The following SULF1 variants were observed in gnomAD, a reference collection of about 807,000 sequenced individuals.
SULF1 encodes the protein extracellular sulfatase Sulf-1.
Under a neutral mutation model 110.5 loss-of-function variants are expected in SULF1, and 46 were observed. That is an observed-to-expected ratio of 0.42 (90% confidence interval 0.33 to 0.53). The LOEUF is 0.53. Among genes scored for constraint, SULF1 ranks in the 20% least tolerant of loss-of-function variants. The pLI is 0.12. For missense variants in SULF1, 941 were observed against 1,094.2 expected (o/e 0.86, Z 1.98); for synonymous variants, 371 against 387.1 (o/e 0.96, Z 0.49).
intron 8 of SULF1, among the ~76,000 whole-genome samples, chr8:69,593,995 T>C (rs1217824347): frequency 6.6e-6 from 1 of 152,196 alleles, no homozygotes; most frequent in East Asian, 1.9e-4. Context: ...AGGGACCTCC[T>C]TATCACCCTT....
intron 19 of SULF1, 27 bp from the exon 20 acceptor site, chr8:69,638,474 TG>T: frequency 6.2e-7 from 1 of 1,604,794 alleles, no homozygotes; most frequent in Non-Finnish European, 8.5e-7. Context: ...CTTTTTGTTT[TG>T]TTGTGTTTTT....
intron 13 of SULF1, among the ~76,000 whole-genome samples, chr8:69,619,269 AT>A (rs1445070662): frequency 3.3e-5 from 5 of 152,322 alleles, no homozygotes; most frequent in African/African-American, 9.6e-5. Context: ...TGATAGACCT[AT>A]ATGGAAAGGA....
At chr8:69,498,113 C>CT (rs71556768) in intron 2 of SULF1, among the ~76,000 whole-genome samples, 205 of 148,726 alleles carry the variant, frequency 1.4e-3, no homozygotes, top group African/African-American at 4.6e-3. Context: ...CTCTCTCTCT[C>CT]CACACACACA....
intron 3 of SULF1, among the ~76,000 whole-genome samples, chr8:69,505,575 T>A (rs1275727311): frequency 6.6e-6 from 1 of 152,106 alleles, no homozygotes; most frequent in Non-Finnish European, 1.5e-5. Flanking sequence ...TTAATCTAAA[T>A]GTAGGTGGTT....
intron 19 of SULF1, chr8:69,638,217 C>G (rs1380116353): frequency 3.2e-6 from 1 of 317,334 alleles, no homozygotes; most frequent in Non-Finnish European, 5.7e-6. Flanking sequence ...CTTTGGAAAC[C>G]ACTGCATAAC....
intron 7 of SULF1, among the ~76,000 whole-genome samples, chr8:69,587,129 T>C (rs905121968): frequency 2.0e-5 from 3 of 152,194 alleles, no homozygotes; most frequent in African/African-American, 4.8e-5. Flanking sequence ...TGGGTTCTAG[T>C]TTTGACTTAA....
intron 1 of SULF1, chr8:69,473,299 G>C (rs1809167101): frequency 6.6e-6 from 1 of 152,168 alleles, no homozygotes; most frequent in South Asian, 2.1e-4. Context: ...TAAGGGACTT[G>C]GACATGCTAC....
Position 69,627,254 on chromosome 8 carries a change from T to A in SULF1, c.1895T>A (p.Leu632Gln). 1 of 1,614,192 alleles carries A rather than the reference T, an allele frequency of 6.2e-7. No homozygotes were observed. ...GACTCTATCCATTGTGAGAGAGAAC[T>A]GTACCAATCGGCCAGAGCGTGGAAG... ...PNDSIHCERE[L>Q]YQSARAWKDH... is the part of the protein sequence containing the mutation. Residue 632 changes from leucine (L) to glutamine (Q), a missense_variant, in exon 16 of 23, where the codon CTG (leucine) becomes CAG (glutamine). By Grantham distance (113) the Leu-to-Gln change is moderately radical. Around this residue, in one of 3 missense-constraint regions of SULF1, gnomAD observed 822 missense variants for 934.3 expected, o/e 0.88. Coordinates refer to ENST00000402687, the MANE Select transcript of SULF1 (RefSeq NM_001128205.2).
Position 69,579,418 on chromosome 8 carries a change from G to A in SULF1, c.412+3209G>A, listed in dbSNP as rs1037582061. Among the ~76,000 whole-genome samples the A allele has an allele frequency of 4.0e-5, 6 of 151,788 alleles. 1 individual carries two copies. Among genetic ancestry groups the A allele is most frequent in the Admixed American group, 1.3e-4 (2 of 15,244 alleles). ...ACAGAAATTAGCCAGGTGTGTTGGTGCATGCTTGTAATCCCAGCTACTCAG... is the reference window on the plus strand; with the variant it reads ...ACAGAAATTAGCCAGGTGTGTTGGTACATGCTTGTAATCCCAGCTACTCAG... On this transcript the variant is annotated intron_variant, in intron 6 of 22. Transcript: ENST00000402687.
At chr8:69,657,328 T>C (rs930688818) in intron 22 of SULF1, among the ~76,000 whole-genome samples, 1 of 152,246 alleles carries the variant, frequency 6.6e-6, no homozygotes, top group Non-Finnish European at 1.5e-5. Context: ...CTCCCTTCTC[T>C]CTTCCTTTGT....
chr8:69,541,723 T>TTGAAACAAATATTGTCC (rs1813870470), intron 3 of SULF1, among the ~76,000 whole-genome samples: 2 of 152,198 alleles, frequency 1.3e-5, no homozygotes, highest in South Asian at 4.1e-4. Flanking sequence ...TTTCAAATAT[T>TTGAAACAAATATTGTCC]TGTTAGGGAC....
intron 3 of SULF1, among the ~76,000 whole-genome samples, chr8:69,539,221 A>G (rs1029150029): frequency 1.3e-5 from 2 of 152,212 alleles, no homozygotes; most frequent in African/African-American, 4.8e-5. Flanking sequence ...TTAAAAGCTG[A>G]GAAATGGCTT....
At chr8:69,529,438 C>A (rs1009070358) in intron 3 of SULF1, among the ~76,000 whole-genome samples, 1 of 152,114 alleles carries the variant, frequency 6.6e-6, no homozygotes, top group Non-Finnish European at 1.5e-5. Context: ...TGACATTGCT[C>A]TTTTTTAGAA....
intron 1 of SULF1, among the ~76,000 whole-genome samples, chr8:69,487,698 C>T (rs916151389): frequency 6.6e-6 from 1 of 152,166 alleles, no homozygotes. Context: ...GAGGTGGCTA[C>T]AGCACAGCCT....
chr8:69,633,953 A>G (rs1810781321), intron 19 of SULF1, among the ~76,000 whole-genome samples: 1 of 152,208 alleles, frequency 6.6e-6, no homozygotes, highest in African/African-American at 2.4e-5. Context: ...AATTTGGAAG[A>G]TTTCTACACA....
At chr8:69,515,496 G>C (rs1459365577) in intron 3 of SULF1, among the ~76,000 whole-genome samples, 1 of 152,178 alleles carries the variant, frequency 6.6e-6, no homozygotes, top group Non-Finnish European at 1.5e-5. Context: ...CCTGTGATTG[G>C]AGGGGCTGCC....
intron 3 of SULF1, among the ~76,000 whole-genome samples, chr8:69,556,193 G>A (rs1173591687): frequency 6.6e-6 from 1 of 152,090 alleles, no homozygotes; most frequent in Admixed American, 6.6e-5. Context: ...GAAAGAAATG[G>A]GGTACTAGTG....
chr8:69,609,347 G>GA (rs1808465817), intron 13 of SULF1, among the ~76,000 whole-genome samples: 1 of 152,028 alleles, frequency 6.6e-6, no homozygotes, highest in Non-Finnish European at 1.5e-5. Context: ...CCCTGTCTCA[G>GA]AAAAACAAAA....
chr8:69,560,062 C>T (rs912800390), intron 3 of SULF1, among the ~76,000 whole-genome samples: 2 of 152,088 alleles, frequency 1.3e-5, no homozygotes, highest in African/African-American at 2.4e-5. Flanking sequence ...TAGTTCTGAC[C>T]TCATGAACCT....
Sources: gnomAD v4.1 joint callset for allele counts (sites outside exome capture counted in the v4.1 genomes callset) on GRCh38, gnomAD v4.1.1 for gene constraint, gnomAD v4.1.1 regional missense constraint, MANE v1.5 for transcripts, NCBI Gene and HGNC (gene_info 2026-07-23, HGNC 2026-07-21) for gene names.